MSI2: variants seen among roughly 807,000 people sequenced by gnomAD.
MSI2 encodes the protein musashi RNA binding protein 2, also known as RNA-binding protein Musashi homolog 2.
A neutral mutation model predicts 45.6 loss-of-function variants in MSI2; 17 were observed. The ratio of observed to expected loss-of-function variants is 0.37; its 90% CI spans 0.26 to 0.56. The LOEUF is 0.56. MSI2 is among the 20% of genes least tolerant of loss of function. The probability of loss-of-function intolerance (pLI) is 0.77; values close to 1 mark genes in which losing one functional copy is unlikely to be tolerated. For synonymous variants in MSI2, 156 were observed against 158.2 expected, an observed-to-expected ratio of 0.99 and a Z score of 0.11; for missense variants, 293 against 444.2, an observed-to-expected ratio of 0.66 and a Z score of 3.06.
chr17:57,481,298 A>G (rs2085642123), intron 6 of MSI2, among the ~76,000 whole-genome samples: 1 of 152,224 alleles, frequency 6.6e-6, no homozygotes, highest in Admixed American at 6.5e-5. Context: ...CATGGAACCA[A>G]AATAATCTGT....
chr17:57,597,466 T>TCAAA (rs1555629674), intron 8 of MSI2, among the ~76,000 whole-genome samples: 1 of 87,136 alleles, frequency 1.1e-5, no homozygotes, highest in African/African-American at 5.1e-5. Flanking sequence ...CCTCATCTCT[T>TCAAA]AAAAAAAAAA....
At chr17:57,591,856 G>A (rs1904862299) in intron 7 of MSI2, among the ~76,000 whole-genome samples, 1 of 151,996 alleles carries the variant, frequency 6.6e-6, no homozygotes, top group Admixed American at 6.6e-5. Flanking sequence ...CATTTTAAGT[G>A]TACTTAATGC....
chr17:57,653,989 A>G (rs9893613), intron 11 of MSI2, among the ~76,000 whole-genome samples: 123,019 of 150,094 alleles, frequency 0.82, 51,065 homozygotes, highest in African/African-American at 0.93. Flanking sequence ...CATTTCCATC[A>G]GGAGCAAAGT....
rs1319866962 is a variant in MSI2 at position 57,473,140 on chromosome 17, G to A, written c.406-56536G>A. 3.9e-5 allele frequency among the ~76,000 whole-genome samples: 6 copies of A among 152,284 alleles called. No homozygotes were observed. In the South Asian group the frequency reaches 8.3e-4, roughly 21 times the overall value. ...ACTTCTGACCTCAGGTGATCTGCCC[G>A]CCTCAGCCTCCCAAAGTGGGATTGC... is the stretch of plus-strand genomic sequence containing the variant. On this transcript the variant is annotated intron_variant, in intron 6 of 13. Coordinates refer to ENST00000284073, the MANE Select transcript of MSI2 (RefSeq NM_138962.4).
intron 9 of MSI2, chr17:57,626,354 G>A (rs1353388148): frequency 6.6e-6 from 1 of 152,176 alleles, no homozygotes; most frequent in Non-Finnish European, 1.5e-5. Flanking sequence ...AGAACGAAGT[G>A]GCCTGAGCAG....
chr17:57,376,301 T>C lies in MSI2; in HGVS notation c.313-25078T>C, dbSNP rs149784148. On this transcript the variant is annotated intron_variant, in intron 5 of 13. Coordinates refer to ENST00000284073, the MANE Select transcript of MSI2 (RefSeq NM_138962.4). ...ATTTCATAGATGAGGAAACGAAGGC[T>C]CAAAGGGATGAAGAGTCTTGCTCAG... Among the ~76,000 whole-genome samples the C allele has an allele frequency of 2.4e-3, 358 of 152,142 alleles. 4 individuals are homozygous for C. The highest frequency in any genetic ancestry group is 7.9e-3 in the African/African-American group (328 of 41,522).
chr17:57,381,648 A>T (rs1005764048), intron 5 of MSI2, among the ~76,000 whole-genome samples: 1 of 152,242 alleles, frequency 6.6e-6, no homozygotes, highest in Non-Finnish European at 1.5e-5. Flanking sequence ...GCACGTGGGC[A>T]TGGAGCACTT....
chr17:57,439,070 G>T (rs11079302), intron 6 of MSI2, among the ~76,000 whole-genome samples: 15,438 of 152,176 alleles, frequency 0.1, 1,054 homozygotes, highest in South Asian at 0.22. Flanking sequence ...ACCATGCCCG[G>T]CCTAGGAATT....
intron 5 of MSI2, among the ~76,000 whole-genome samples, chr17:57,314,554 AG>A (rs1369786458): frequency 6.9e-6 from 1 of 145,178 alleles, no homozygotes; most frequent in African/African-American, 2.6e-5. Context: ...CTGTTCAGTC[AG>A]GCACCTGGAT....
intron 7 of MSI2, among the ~76,000 whole-genome samples, chr17:57,568,160 C>T (rs533215987): frequency 6.6e-5 from 10 of 152,182 alleles, no homozygotes; most frequent in African/African-American, 1.7e-4. Flanking sequence ...CGAGAGGGGA[C>T]GTGAGGACAT....
chr17:57,361,504 T>C (rs1916810370), intron 5 of MSI2, among the ~76,000 whole-genome samples: 1 of 150,318 alleles, frequency 6.7e-6, no homozygotes, highest in South Asian at 2.1e-4. Flanking sequence ...CTACTCAGGA[T>C]ACTGAGGTGG....
At chr17:57,458,576 C>G (rs2085161782) in intron 6 of MSI2, among the ~76,000 whole-genome samples, 1 of 152,178 alleles carries the variant, frequency 6.6e-6, no homozygotes, top group Admixed American at 6.5e-5. Context: ...TTCAGGAGCA[C>G]AAAGTCTCTG....
the MSI2 span, among the ~76,000 whole-genome samples, chr17:57,691,232 T>TA: frequency 6.6e-6 from 1 of 151,384 alleles, no homozygotes; most frequent in South Asian, 2.1e-4. Flanking sequence ...TCTATCTATC[T>TA]ATCTATCTAT....
intron 6 of MSI2, among the ~76,000 whole-genome samples, chr17:57,412,752 C>G (rs1360217575): frequency 6.6e-6 from 1 of 152,150 alleles, no homozygotes; most frequent in African/African-American, 2.4e-5. Flanking sequence ...TGGTTTTGGC[C>G]CTCAGACTGT....
intron 12 of MSI2, among the ~76,000 whole-genome samples, chr17:57,676,091 T>C (rs2144754633): frequency 6.6e-6 from 1 of 152,338 alleles, no homozygotes. Context: ...AGACTCCGCT[T>C]CTGAGTGACA....
At chr17:57,598,199 G>A (rs1253531519) in intron 8 of MSI2, among the ~76,000 whole-genome samples, 3 of 152,338 alleles carry the variant, frequency 2.0e-5, no homozygotes, top group Admixed American at 6.5e-5. Flanking sequence ...AGAGAAGAGG[G>A]AGGGCAAATC....
At chr17:57,535,505 GA>G (rs1379265565) in intron 7 of MSI2, among the ~76,000 whole-genome samples, 3 of 152,260 alleles carry the variant, frequency 2.0e-5, no homozygotes, top group Non-Finnish European at 2.9e-5. Context: ...GAGACACGGG[GA>G]GAGAAATAAA....
At chr17:57,690,220 T>G in the MSI2 span, among the ~76,000 whole-genome samples, 4 of 152,022 alleles carry the variant, frequency 2.6e-5, no homozygotes, top group Admixed American at 1.3e-4. Context: ...TATTTGTATT[T>G]CTCTAATGAG....
At chr17:57,468,336 G>C (rs753967577) in intron 6 of MSI2, among the ~76,000 whole-genome samples, 1 of 151,368 alleles carries the variant, frequency 6.6e-6, no homozygotes, top group South Asian at 2.1e-4. Flanking sequence ...TGGCTAACAC[G>C]GTGAAACCCC....
Sources: allele counts gnomAD v4.1 joint callset (sites outside exome capture counted in the v4.1 genomes callset), GRCh38; gene constraint gnomAD v4.1.1; transcripts MANE v1.5; gene names NCBI Gene and HGNC (gene_info 2026-07-23, HGNC 2026-07-21).